The following PIK3C2G variants were observed in gnomAD, a reference collection of about 807,000 sequenced individuals.
The protein encoded by PIK3C2G is phosphatidylinositol 3-kinase C2 domain-containing subunit gamma.
A neutral mutation model predicts 181.1 loss-of-function variants in PIK3C2G; 168 were observed. The observed-to-expected ratio is 0.93, with a 90% confidence interval of 0.82 to 1.05. The LOEUF is 1.05. Ranked by LOEUF, PIK3C2G falls within the 50% of genes least tolerant of loss-of-function variation. The pLI is 0.00. For synonymous variants in PIK3C2G, 573 were observed against 592.2 expected (o/e 0.97, Z 0.47); for missense variants, 1,869 against 1,732.8 (o/e 1.08, Z -1.40).
At chr12:18,328,935 A>C (rs1017040804) in intron 8 of PIK3C2G, among the ~76,000 whole-genome samples, 1 of 151,900 alleles carries the variant, frequency 6.6e-6, no homozygotes, top group African/African-American at 2.4e-5. Context: ...TAAAATTAAG[A>C]GGTAACAAGG....
chr12:18,562,926 T>C (rs769686269), intron 27 of PIK3C2G, 34 bp downstream of exon 27: 27 of 1,408,932 alleles, frequency 1.9e-5, no homozygotes. Flanking sequence ...GACTTACGTA[T>C]CACTTGACTT....
chr12:18,703,021 C>CATCAAAT, the PIK3C2G span, among the ~76,000 whole-genome samples: 1 of 151,818 alleles, frequency 6.6e-6, no homozygotes, highest in African/African-American at 2.4e-5. Flanking sequence ...TAATATGGAG[C>CATCAAAT]TAAAATTTGA....
intron 16 of PIK3C2G, among the ~76,000 whole-genome samples, chr12:18,414,767 A>G (rs989371585): frequency 1.3e-5 from 2 of 152,222 alleles, no homozygotes; most frequent in African/African-American, 4.8e-5. Context: ...GCCAACAAGT[A>G]TGAAAGAGCC....
chr12:18,565,616 G>T (rs1315706412), intron 28 of PIK3C2G, among the ~76,000 whole-genome samples: 1 of 152,114 alleles, frequency 6.6e-6, no homozygotes, highest in African/African-American at 2.4e-5. Context: ...TGATGATACT[G>T]TCAGACAAAA....
the PIK3C2G span, among the ~76,000 whole-genome samples, chr12:18,662,084 A>G: frequency 1.8e-4 from 27 of 152,140 alleles, no homozygotes; most frequent in Non-Finnish European, 2.8e-4. Context: ...TTGAGTACAC[A>G]TGGACACAAA....
Position 18,491,834 on chromosome 12 carries a change from G to A in PIK3C2G, c.2793+276G>A, listed in dbSNP as rs562191598. ...ATAGAGGAACATAGAGGAACATATCGCTGGGTTAATTTCTTGACTCATTAA... is the reference window on the plus strand; with the variant it reads ...ATAGAGGAACATAGAGGAACATATCACTGGGTTAATTTCTTGACTCATTAA... On this transcript the variant is annotated intron_variant, in intron 20 of 32. Transcript: ENST00000538779. Among the ~76,000 whole-genome samples, 15 of 151,752 alleles carry A rather than the reference G, an allele frequency of 9.9e-5. No individual in the cohort carries two copies. In the South Asian group the frequency reaches 1.3e-3, roughly 13 times the overall value.
chr12:18,501,043 A>G (rs1393618477), intron 22 of PIK3C2G, among the ~76,000 whole-genome samples: 4 of 151,920 alleles, frequency 2.6e-5, no homozygotes, highest in East Asian at 1.9e-4. Context: ...CAGAAGGAAG[A>G]AACTCCGAAC....
chr12:18,671,043 G>GGT, the PIK3C2G span, among the ~76,000 whole-genome samples: 1 of 151,952 alleles, frequency 6.6e-6, no homozygotes, highest in African/African-American at 2.4e-5. Flanking sequence ...CCAGCTTGGT[G>GGT]GTGTGCGCCT....
At chr12:18,284,324 A>C (rs113824015) in intron 2 of PIK3C2G, among the ~76,000 whole-genome samples, 3 of 152,324 alleles carry the variant, frequency 2.0e-5, no homozygotes, top group African/African-American at 7.2e-5. Context: ...TCAATGCTAC[A>C]TCAACCAAAA....
At position 18,362,857 on chromosome 12, in the gene PIK3C2G, A is replaced by ATT; in HGVS notation, c.1726_1727dup (p.Leu577SerfsTer15). The ATT allele has an allele frequency of 6.6e-7, 1 of 1,513,556 alleles. No homozygotes were observed. The highest frequency in any genetic ancestry group is 8.8e-7 in the Non-Finnish European group (1 of 1,134,792). 93.8% of individuals were successfully genotyped at this position (1,513,556 alleles called of 1,614,324 possible). A position where few individuals can be genotyped will look rare whatever the true frequency, so the allele number is the denominator to read the frequency against. On this transcript the variant is annotated frameshift_variant, in exon 12 of 33. Coordinates refer to ENST00000538779, the MANE Select transcript of PIK3C2G (RefSeq NM_001288772.2). LOFTEE classifies it high-confidence loss of function. Reference sequence around the variant, plus strand: ...ACAGAAATATTCCAGACAAGAAATTATTTTTTTTCTTGGTCAACTGGAATG... The same window carrying ATT: ...ACAGAAATATTCCAGACAAGAAATTATTTTTTTTTTCTTGGTCAACTGGAATG...
In PIK3C2G at chr12:18,359,812, T is replaced by C. The variant is rs536456412; in HGVS notation, c.1626-2952T>C. ...CTGTTTGCATAGAATAGCTATTTTA[T>C]CCTTTCATTTTTGGCCTATTTGTGT... On this transcript the variant is annotated intron_variant, in intron 11 of 32. Coordinates refer to ENST00000538779, the MANE Select transcript of PIK3C2G (RefSeq NM_001288772.2). 7.9e-5 allele frequency among the ~76,000 whole-genome samples: 12 copies of C among 152,296 alleles called. No individual in the cohort carries two copies. In the East Asian group the frequency reaches 1.5e-3, roughly 20 times the overall value.
At chr12:18,664,821 G>T in the PIK3C2G span, among the ~76,000 whole-genome samples, 15 of 151,496 alleles carry the variant, frequency 9.9e-5, no homozygotes, top group African/African-American at 2.9e-4. Context: ...GGAATACTAT[G>T]CAGCCACAAA....
chr12:18,501,381 A>C (rs1342051883), intron 22 of PIK3C2G, among the ~76,000 whole-genome samples: 1 of 152,150 alleles, frequency 6.6e-6, no homozygotes, highest in East Asian at 1.9e-4. Context: ...GAACTCACTC[A>C]CTATCATGAG....
chr12:18,660,146 A>T, the PIK3C2G span, among the ~76,000 whole-genome samples: 1 of 152,092 alleles, frequency 6.6e-6, no homozygotes, highest in East Asian at 1.9e-4. Context: ...CTTCCAGGAG[A>T]GGACCTGGAT....
intron 1 of PIK3C2G, among the ~76,000 whole-genome samples, chr12:18,250,481 T>A (rs1364911848): frequency 6.6e-6 from 1 of 152,078 alleles, no homozygotes; most frequent in Non-Finnish European, 1.5e-5. Flanking sequence ...TCTTGACATT[T>A]AGAGAAGCAT....
chr12:18,331,259 G>A (rs1227380856), intron 8 of PIK3C2G, among the ~76,000 whole-genome samples: 2 of 152,054 alleles, frequency 1.3e-5, no homozygotes, highest in Non-Finnish European at 2.9e-5. Context: ...TTGATGTAAG[G>A]AAACTTGATA....
chr12:18,461,736 C>G (rs530895649), intron 18 of PIK3C2G, among the ~76,000 whole-genome samples: 1 of 152,332 alleles, frequency 6.6e-6, no homozygotes, highest in South Asian at 2.1e-4. Context: ...AAGATGCCAT[C>G]TGTGAACCAG....
chr12:18,322,431 G>T (rs949336184), intron 7 of PIK3C2G, among the ~76,000 whole-genome samples: 7 of 151,054 alleles, frequency 4.6e-5, no homozygotes, highest in African/African-American at 1.7e-4. Context: ...ATAAAATTAA[G>T]TTTAAAAATA....
chr12:18,404,146 AT>A (rs1005556769), intron 16 of PIK3C2G, among the ~76,000 whole-genome samples: 51 of 152,038 alleles, frequency 3.4e-4, no homozygotes, highest in African/African-American at 1.0e-3. Context: ...TTTCCAAAAT[AT>A]TTTTTTTCTC....
Sources: allele counts gnomAD v4.1 joint callset (sites outside exome capture counted in the v4.1 genomes callset), GRCh38; gene constraint gnomAD v4.1.1; transcripts MANE v1.5; gene names NCBI Gene and HGNC (gene_info 2026-07-23, HGNC 2026-07-21).